Variants in STYXL2 observed in about 807,000 individuals in gnomAD.
The protein encoded by STYXL2 is serine/threonine/tyrosine interacting like 2, also known as serine/threonine/tyrosine-interacting-like protein 2.
A neutral mutation model predicts 52.4 loss-of-function variants in STYXL2; 44 were observed. The ratio of observed to expected loss-of-function variants is 0.84; its 90% CI spans 0.66 to 1.08. STYXL2 has a LOEUF of 1.08. STYXL2 is among the 50% of genes least tolerant of loss of function. The probability of loss-of-function intolerance (pLI) is 0.00; values close to 1 mark genes in which losing one functional copy is unlikely to be tolerated. For missense variants in STYXL2, 1,604 were observed against 1,471.7 expected (o/e 1.09, Z -1.47); for synonymous variants, 604 against 586.9 (o/e 1.03, Z -0.42).
At chr1:167,101,436 A>C (rs1441603785) in intron 2 of STYXL2, among the ~76,000 whole-genome samples, 1 of 152,164 alleles carries the variant, frequency 6.6e-6, no homozygotes, top group African/African-American at 2.4e-5. Flanking sequence ...TTAAACATAC[A>C]TCTACCTAAA....
At chr1:167,102,023 A>G (rs1667413002) in intron 2 of STYXL2, among the ~76,000 whole-genome samples, 1 of 152,190 alleles carries the variant, frequency 6.6e-6, no homozygotes, top group East Asian at 1.9e-4. Context: ...CAAAATAATT[A>G]CACTGCTTGA....
Position 167,125,946 on chromosome 1 carries a change from G to C in STYXL2, c.815G>C (p.Arg272Pro), listed in dbSNP as rs1431692162. 1 of 1,613,864 alleles carries C rather than the reference G, an allele frequency of 6.2e-7. No homozygotes were observed. Among genetic ancestry groups the C allele is most frequent in the Non-Finnish European group, 8.5e-7 (1 of 1,179,926 alleles). ...YPNEGFLKQL[R>P]ELNEKLMEER... ...AATGAGGGCTTCCTGAAGCAGCTGC[G>C]GGAGCTCAATGAGAAGTTGATGGAG... Residue 272 changes from arginine (R) to proline (P), a missense_variant, in exon 6 of 6, where the codon CGG becomes CCG. Transcript: ENST00000361200.
At chr1:167,114,565 T>A (rs934682786) in intron 3 of STYXL2, among the ~76,000 whole-genome samples, 2 of 152,122 alleles carry the variant, frequency 1.3e-5, no homozygotes. Flanking sequence ...ATTATTAGAA[T>A]CACATGCTAC....
chr1:167,105,946 G>A (rs1472514014), intron 2 of STYXL2, among the ~76,000 whole-genome samples: 2 of 152,148 alleles, frequency 1.3e-5, no homozygotes, highest in Non-Finnish European at 2.9e-5. Flanking sequence ...AGCTTCTCAA[G>A]AGTATACCGG....
At chr1:167,094,755 C>A in intron 1 of STYXL2, 79 bp from the exon 2 acceptor site, 1 of 947,928 alleles carries the variant, frequency 1.1e-6, no homozygotes. Flanking sequence ...ACTGAGGTGA[C>A]ATCACCAACA....
Position 167,120,879 on chromosome 1 carries a change from T to G in STYXL2, c.655+1413T>G, listed in dbSNP as rs1262065912. On this transcript the variant is annotated intron_variant, in intron 5 of 5. Coordinates refer to ENST00000361200, the MANE Select transcript of STYXL2 (RefSeq NM_001080426.3). ...ATATATATATATATATATATATATATATATATACAGAGAGAGAGAGAGGTA... is the reference window on the plus strand; with the variant it reads ...ATATATATATATATATATATATATAGATATATACAGAGAGAGAGAGAGGTA... Among the ~76,000 whole-genome samples, 908 of 94,984 alleles carry G rather than the reference T, an allele frequency of 9.6e-3. 40 individuals are homozygous for G. The highest frequency in any genetic ancestry group is 0.018 in the Middle Eastern group (3 of 164). 62.3% of individuals were successfully genotyped at this position (94,984 alleles called of 152,430 possible).
At chr1:167,103,290 G>A (rs1259059266) in intron 2 of STYXL2, among the ~76,000 whole-genome samples, 1 of 152,088 alleles carries the variant, frequency 6.6e-6, no homozygotes, top group Non-Finnish European at 1.5e-5. Flanking sequence ...CCCAGGTTTT[G>A]GAAGACATAC....
At chr1:167,124,032 C>A (rs575206340) in intron 5 of STYXL2, among the ~76,000 whole-genome samples, 35 of 152,304 alleles carry the variant, frequency 2.3e-4, no homozygotes, top group African/African-American at 8.4e-4. Context: ...ATCCTCCCAC[C>A]TCAGCCTCCC....
Position 167,127,556 on chromosome 1 carries a change from G to A in STYXL2, c.2425G>A (p.Ala809Thr), listed in dbSNP as rs769931637. The change falls in exon 6 of 6, where the codon GCG (alanine) becomes ACG (threonine). Residue 809 changes from alanine (A) to threonine (T), a missense_variant. Coordinates refer to ENST00000361200, the MANE Select transcript of STYXL2 (RefSeq NM_001080426.3). ...LSCNTTLSSPAESCRSKVRGT... is the reference protein window; with the variant it reads ...LSCNTTLSSPTESCRSKVRGT... ...CTGCAACACCACACTGAGCTCACCC[G>A]CGGAAAGTTGCAGAAGCAAAGTGAG... is the stretch of plus-strand genomic sequence containing the variant. 32 of 1,613,964 alleles carry A rather than the reference G, an allele frequency of 2.0e-5. No individual in the cohort carries two copies. The highest frequency in any genetic ancestry group is 4.5e-5 in the East Asian group (2 of 44,884).
At chr1:167,100,947 T>C (rs1282623001) in intron 2 of STYXL2, among the ~76,000 whole-genome samples, 2 of 152,208 alleles carry the variant, frequency 1.3e-5, no homozygotes, top group Non-Finnish European at 2.9e-5. Flanking sequence ...GGAGCTATCA[T>C]CCAATCGATC....
chr1:167,125,996 GA>G lies in STYXL2; in HGVS notation c.866del (p.Glu289GlyfsTer24). The part of the protein sequence containing the change: ...MEEREEDYGR[E>X]GGSAEAEEGE... ...GGAGAGAGAAGAGGACTATGGCCGG[GA>G]GGGGGGATCAGCTGAGGCTGAGGAG... is the stretch of plus-strand genomic sequence containing the variant. On this transcript the variant is annotated frameshift_variant, in exon 6 of 6. Transcript: ENST00000361200. LOFTEE classifies it low-confidence loss of function (END_TRUNC). 6.2e-7 allele frequency: 1 copy of G among 1,611,472 alleles called. No individual in the cohort carries two copies. Among genetic ancestry groups the G allele is most frequent in the South Asian group, 1.1e-5 (1 of 90,660 alleles).
At chr1:167,123,491 C>T (rs1438404817) in intron 5 of STYXL2, among the ~76,000 whole-genome samples, 1 of 152,214 alleles carries the variant, frequency 6.6e-6, no homozygotes, top group Non-Finnish European at 1.5e-5. Flanking sequence ...TAGAGACTAG[C>T]CACAGTATAT....
intron 3 of STYXL2, 143 bp downstream of exon 3, chr1:167,113,947 C>A (rs1316545471): frequency 5.8e-6 from 4 of 693,106 alleles, no homozygotes; most frequent in Admixed American, 2.1e-5. Context: ...GGCAGTTCTG[C>A]CAACCCTACC....
chr1:167,104,370 G>C (rs950356416), intron 2 of STYXL2, among the ~76,000 whole-genome samples: 1 of 152,096 alleles, frequency 6.6e-6, no homozygotes, highest in African/African-American at 2.4e-5. Context: ...CAGTTTTGTA[G>C]AACTGCTTGG....
chr1:167,100,600 T>G (rs933705613), intron 2 of STYXL2, among the ~76,000 whole-genome samples: 8 of 152,164 alleles, frequency 5.3e-5, no homozygotes, highest in Non-Finnish European at 1.2e-4. Flanking sequence ...CTTAGCCTTT[T>G]CAGCAGCCAT....
chr1:167,127,578 T>C lies in STYXL2; in HGVS notation c.2447T>C (p.Val816Ala). The C allele has an allele frequency of 6.2e-7, 1 of 1,613,918 alleles. No homozygotes were observed. Reference sequence around the variant, plus strand: ...CCCGCGGAAAGTTGCAGAAGCAAAGTGAGGGGGACCAGCAAGCCCATCTTC... The same window carrying C: ...CCCGCGGAAAGTTGCAGAAGCAAAGCGAGGGGGACCAGCAAGCCCATCTTC... ...SSPAESCRSKVRGTSKPIFSL... is the reference protein window; with the variant it reads ...SSPAESCRSKARGTSKPIFSL... Residue 816 changes from valine to alanine, a missense_variant, in exon 6 of 6, where the codon GTG (valine) becomes GCG (alanine). Transcript: ENST00000361200.
At chr1:167,100,403 G>T (rs927922804) in intron 2 of STYXL2, among the ~76,000 whole-genome samples, 8 of 152,126 alleles carry the variant, frequency 5.3e-5, no homozygotes, top group Non-Finnish European at 1.5e-5. Context: ...ATCACTTTGG[G>T]GTGATTGAGC....
rs376470789 is a variant in STYXL2, at chr1:167,119,414, G to A, written c.603G>A (p.Gln201=). Residue 201 remains glutamine (Q), a synonymous_variant, in exon 5 of 6, where the codon CAG becomes CAA. Coordinates refer to ENST00000361200, the MANE Select transcript of STYXL2 (RefSeq NM_001080426.3). ...VDDFPEVDIS[Q]HFRKASEFLD... The stretch of plus-strand genomic sequence containing the variant: ...ACTTTCCTGAGGTGGACATTTCCCA[G>A]CATTTCCGGAAGGCGTCTGAGTTCC... 1.1e-5 allele frequency: 18 copies of A among 1,614,120 alleles called. No homozygotes were observed. Among genetic ancestry groups the A allele is most frequent in the Non-Finnish European group, 1.4e-5 (16 of 1,180,048 alleles).
chr1:167,102,304 AAT>A (rs750220480), intron 2 of STYXL2, among the ~76,000 whole-genome samples: 11 of 150,340 alleles, frequency 7.3e-5, no homozygotes, highest in South Asian at 2.1e-4. Context: ...GTTTTTTAAA[AAT>A]ATATATATAT....
Sources: allele counts gnomAD v4.1 joint callset (sites outside exome capture counted in the v4.1 genomes callset), GRCh38; gene constraint gnomAD v4.1.1; transcripts MANE v1.5; gene names NCBI Gene and HGNC (gene_info 2026-07-23, HGNC 2026-07-21).